CYP20A1: variants seen among roughly 807,000 people sequenced by gnomAD.
CYP20A1 encodes cytochrome P450 20A1.
In CYP20A1, 61 loss-of-function variants were observed where a neutral mutation model predicts 61.4. That is an observed-to-expected ratio of 0.99 (90% CI 0.81 to 1.23). The LOEUF is 1.23. Ranked by LOEUF, CYP20A1 falls within the 50% of genes most tolerant of loss-of-function variation. The probability of loss-of-function intolerance (pLI) is 0.00; values close to 1 mark genes in which losing one functional copy is unlikely to be tolerated. For synonymous variants in CYP20A1, 193 were observed against 188.2 expected (o/e 1.03, Z -0.21); for missense variants, 530 against 542.4 (o/e 0.98, Z 0.23).
intron 1 of CYP20A1, among the ~76,000 whole-genome samples, chr2:203,239,378 T>C (rs1212569278): frequency 1.3e-5 from 2 of 151,934 alleles, no homozygotes; most frequent in Non-Finnish European, 2.9e-5. Context: ...GGCGTAGAGC[T>C]GCTGAGGAAA....
At chr2:203,295,272 G>T (rs201576170) in intron 11 of CYP20A1, among the ~76,000 whole-genome samples, 1 of 151,386 alleles carries the variant, frequency 6.6e-6, no homozygotes, top group African/African-American at 2.4e-5. Flanking sequence ...ATGAGGTCTC[G>T]CTATGTTGCC....
In CYP20A1 at chr2:203,272,746, A is replaced by G. The variant is rs1391096710; in HGVS notation, c.677A>G (p.Asp226Gly). 6.3e-7 allele frequency: 1 copy of G among 1,587,564 alleles called. No individual in the cohort carries two copies. The highest frequency in any genetic ancestry group is 1.2e-5 in the South Asian group (1 of 86,276). The change falls in exon 6 of 13, where the codon GAT becomes GGT. Residue 226 changes from aspartate to glycine, a missense_variant and splice_region_variant. Physicochemically the swap from Asp to Gly is moderately conservative, Grantham distance 94 (BLOSUM62 -1). Transcript: ENST00000356079. Reference sequence around the variant, plus strand: ...ATGACTCGGAAAAAACAATATGAAGATGGTAAGTTTGGTCACTTAATTTTT... The same window carrying G: ...ATGACTCGGAAAAAACAATATGAAGGTGGTAAGTTTGGTCACTTAATTTTT... ...KNMTRKKQYEDALMQLESVLR... is the reference protein window; with the variant it reads ...KNMTRKKQYEGALMQLESVLR...
intron 1 of CYP20A1, among the ~76,000 whole-genome samples, chr2:203,239,358 G>A (rs1304610832): frequency 6.6e-6 from 1 of 152,182 alleles, no homozygotes; most frequent in East Asian, 1.9e-4. Flanking sequence ...CTCAGGCGCC[G>A]GGCCAGGCGG....
chr2:203,249,386 G>A (rs982668330), intron 3 of CYP20A1, among the ~76,000 whole-genome samples: 2 of 152,132 alleles, frequency 1.3e-5, no homozygotes, highest in Non-Finnish European at 2.9e-5. Context: ...GAGAAAGGAA[G>A]AAAGAGAGAT....
At chr2:203,270,117 G>T (rs1366790174) in intron 5 of CYP20A1, among the ~76,000 whole-genome samples, 1 of 151,956 alleles carries the variant, frequency 6.6e-6, no homozygotes, top group Non-Finnish European at 1.5e-5. Context: ...AAAATTTGCT[G>T]CATGTGGTAG....
At chr2:203,276,702 T>G (rs2067836215) in intron 6 of CYP20A1, among the ~76,000 whole-genome samples, 2 of 152,062 alleles carry the variant, frequency 1.3e-5, no homozygotes, top group African/African-American at 4.8e-5. Flanking sequence ...GGGGGAAAGC[T>G]CAAGAGTTCA....
In CYP20A1 at chr2:203,245,861, G is replaced by A. The variant is rs1441652670; in HGVS notation, c.88G>A (p.Ala30Thr). 2.5e-6 allele frequency: 4 copies of A among 1,602,582 alleles called. No individual in the cohort carries two copies. The Admixed American group carries it at 6.7e-5, about 27-fold the overall frequency. Reference sequence around the variant, plus strand: ...TTTTTGTAAGGCTTCCAGACAAGCTGCAGGAATTCCAGGGATTACTCCAAC... The same window carrying A: ...TTTTTGTAAGGCTTCCAGACAAGCTACAGGAATTCCAGGGATTACTCCAAC... ...LYLYPASRQA[A>T]GIPGITPTEE... Residue 30 changes from alanine to threonine, a missense_variant, in exon 2 of 13, where the codon GCA becomes ACA. By Grantham distance (58) the Ala-to-Thr change is moderately conservative. Transcript: ENST00000356079.
intron 3 of CYP20A1, among the ~76,000 whole-genome samples, chr2:203,251,377 G>A (rs2066664900): frequency 1.3e-5 from 2 of 151,740 alleles, no homozygotes; most frequent in South Asian, 4.2e-4. Flanking sequence ...AGTTATGTAG[G>A]TAGAAAATTT....
chr2:203,253,019 C>T (rs2066752924), intron 4 of CYP20A1, among the ~76,000 whole-genome samples: 1 of 152,012 alleles, frequency 6.6e-6, no homozygotes. Flanking sequence ...TTGCCACCTC[C>T]AGTTTCCTTT....
chr2:203,244,279 G>A (rs1004177694), intron 1 of CYP20A1, among the ~76,000 whole-genome samples: 1 of 152,040 alleles, frequency 6.6e-6, no homozygotes, highest in African/African-American at 2.4e-5. Flanking sequence ...ACAGCTCACT[G>A]CAACCTCCGC....
chr2:203,273,769 C>T (rs563803685), intron 6 of CYP20A1, among the ~76,000 whole-genome samples: 3 of 152,214 alleles, frequency 2.0e-5, no homozygotes, highest in Admixed American at 2.0e-4. Flanking sequence ...CATAGTGAAA[C>T]CCTACCTCTA....
In CYP20A1 at chr2:203,278,678, A is replaced by C; in HGVS notation, c.785A>C (p.Asn262Thr). The change falls in exon 7 of 13, where the codon AAT becomes ACT. Residue 262 changes from asparagine (N) to threonine (T), a missense_variant. Physicochemically the swap from Asn to Thr is moderately conservative, Grantham distance 65. Coordinates refer to ENST00000356079, the MANE Select transcript of CYP20A1 (RefSeq NM_177538.3). Reference protein sequence around the residue: ...FIDSLVQGNLNDQQILEDSMI... With the variant: ...FIDSLVQGNLTDQQILEDSMI... Reference sequence around the variant, plus strand: ...GACTCCTTAGTACAAGGGAACCTTAATGACCAACAGGTGATATAATTGTTA... The same window carrying C: ...GACTCCTTAGTACAAGGGAACCTTACTGACCAACAGGTGATATAATTGTTA... The C allele has an allele frequency of 6.5e-7, 1 of 1,531,754 alleles. No individual in the cohort carries two copies. Among genetic ancestry groups the C allele is most frequent in the Non-Finnish European group, 8.9e-7 (1 of 1,122,592 alleles). 94.9% of individuals were successfully genotyped at this position (1,531,754 alleles called of 1,614,324 possible).
chr2:203,259,724 A>C (rs2067058206), intron 4 of CYP20A1: 1 of 151,522 alleles, frequency 6.6e-6, no homozygotes, highest in Non-Finnish European at 1.5e-5. Flanking sequence ...CTCTACAAAA[A>C]ATACAAAAAT....
At chr2:203,282,874 T>G (rs1240487279) in intron 8 of CYP20A1, among the ~76,000 whole-genome samples, 1 of 152,222 alleles carries the variant, frequency 6.6e-6, no homozygotes, top group Non-Finnish European at 1.5e-5. Flanking sequence ...TGTGTCTGAT[T>G]CAGTATTGTA....
intron 5 of CYP20A1, 112 bp from the exon 6 acceptor site, chr2:203,272,550 CAAAAAAAA>C (rs368688435): frequency 6.8e-5 from 9 of 132,388 alleles, no homozygotes; most frequent in South Asian, 9.8e-5. Flanking sequence ...AACCCTGACT[CAAAAAAAA>C]AAAAAAAAAA....
rs760519843 is a variant in CYP20A1 at position 203,266,488 on chromosome 2, C to A, written c.433-26C>A. On this transcript the variant is annotated intron_variant, in intron 4 of 12. Coordinates refer to ENST00000356079, the MANE Select transcript of CYP20A1 (RefSeq NM_177538.3). ...AGATTTAGAAAGAAGAAACAGTAAT[C>A]ATTGTGCTTTTCTGTTCTCTTTCAG... is the stretch of plus-strand genomic sequence containing the variant. 3.8e-6 allele frequency: 6 copies of A among 1,594,556 alleles called. No homozygotes were observed. The Admixed American group carries it at 1.0e-4, about 27-fold the overall frequency.
chr2:203,258,746 G>T (rs773587151), intron 4 of CYP20A1, among the ~76,000 whole-genome samples: 1 of 152,064 alleles, frequency 6.6e-6, no homozygotes, highest in African/African-American at 2.4e-5. Context: ...TTGTACATAC[G>T]TCGTGTTCTT....
In CYP20A1 at chr2:203,294,823, C is replaced by T. The variant is rs544921763; in HGVS notation, c.1149-1651C>T. Among the ~76,000 whole-genome samples, 672 of 150,868 alleles carry T rather than the reference C, an allele frequency of 4.5e-3. 4 individuals are homozygous for T. The highest frequency in any genetic ancestry group is 0.015 in the African/African-American group (630 of 41,092). ...CTAATTTTTATGTTTTTAGTAGAGA[C>T]GGGGTTTCACCATGTTGCCCAGGAT... On this transcript the variant is annotated intron_variant, in intron 11 of 12. Coordinates refer to ENST00000356079, the MANE Select transcript of CYP20A1 (RefSeq NM_177538.3).
Position 203,296,478 on chromosome 2 carries a change from G to T in CYP20A1, c.1153G>T (p.Asp385Tyr). ...PNTWPSPHKF[D>Y]PDRFDDELVM... ...AACCTCAAATTTTCTTTGTAGGTTT[G>T]ATCCAGATCGGTTTGATGATGAATT... The change falls in exon 12 of 13, where the codon GAT becomes TAT. Residue 385 changes from aspartate to tyrosine, a missense_variant. Physicochemically the swap from Asp to Tyr is radical, Grantham distance 160. Coordinates refer to ENST00000356079, the MANE Select transcript of CYP20A1 (RefSeq NM_177538.3). 3 of 1,608,978 alleles carry T rather than the reference G, an allele frequency of 1.9e-6. No homozygotes were observed. In the South Asian group the frequency reaches 3.3e-5, roughly 18 times the overall value.
Sources: gnomAD v4.1 joint callset for allele counts (sites outside exome capture counted in the v4.1 genomes callset) on GRCh38, gnomAD v4.1.1 for gene constraint, MANE v1.5 for transcripts, NCBI Gene and HGNC (gene_info 2026-07-23, HGNC 2026-07-21) for gene names.